CACNA2D3: variants seen among roughly 807,000 people sequenced by gnomAD.
CACNA2D3 encodes the protein voltage-dependent calcium channel subunit alpha-2/delta-3.
In CACNA2D3, 60 loss-of-function variants were observed where a neutral mutation model predicts 160.6. The ratio of observed to expected loss-of-function variants is 0.37; its 90% CI spans 0.30 to 0.46. The LOEUF (loss-of-function observed/expected upper bound fraction) is 0.46, where lower values mean the gene tolerates loss of function less well. Among genes scored for constraint, CACNA2D3 ranks in the 20% least tolerant of loss-of-function variants. The pLI, the probability that CACNA2D3 is intolerant of heterozygous loss-of-function variation, is 1.00. For synonymous variants in CACNA2D3, 558 were observed against 492.9 expected, an observed-to-expected ratio of 1.13 and a Z score of -1.75; for missense variants, 1,205 against 1,365.0, an observed-to-expected ratio of 0.88 and a Z score of 1.85.
At chr3:54,814,539 A>T (rs1237678528) in intron 13 of CACNA2D3, among the ~76,000 whole-genome samples, 2 of 152,228 alleles carry the variant, frequency 1.3e-5, no homozygotes, top group Non-Finnish European at 2.9e-5. Context: ...AATATGTGCT[A>T]TTCTACCCTG....
At chr3:54,319,201 C>CACACACACACACACACACA (rs1559448362) in intron 2 of CACNA2D3, among the ~76,000 whole-genome samples, 1 of 146,794 alleles carries the variant, frequency 6.8e-6, no homozygotes, top group Admixed American at 6.8e-5. Flanking sequence ...CACACACACA[C>CACACACACACACACACACA]CCTTCCTCGA....
In CACNA2D3 at chr3:54,896,427, T is replaced by G. The variant is rs541835413; in HGVS notation, c.2247-322T>G. ...TAAAGCCAGACAAAGCTTTCTTGTT[T>G]AGAGGGGACATCCTTGGGTTTTCTG... On this transcript the variant is annotated intron_variant, in intron 25 of 37. Coordinates refer to ENST00000474759, the MANE Select transcript of CACNA2D3 (RefSeq NM_018398.3). Among the ~76,000 whole-genome samples, 35 of 152,330 alleles carry G rather than the reference T, an allele frequency of 2.3e-4. No individual in the cohort carries two copies. The Middle Eastern group carries it at 0.01, about 44-fold the overall frequency.
At chr3:54,316,659 A>G (rs1460696974) in intron 2 of CACNA2D3, among the ~76,000 whole-genome samples, 1 of 152,202 alleles carries the variant, frequency 6.6e-6, no homozygotes, top group Non-Finnish European at 1.5e-5. Context: ...CTTTGTGCTG[A>G]GATTAGTTAG....
At chr3:54,880,746 A>G (rs373293383) in intron 20 of CACNA2D3, 50 bp from the exon 21 acceptor site, 1 of 1,445,124 alleles carries the variant, frequency 6.9e-7, no homozygotes, top group Non-Finnish European at 9.7e-7. Context: ...CCACAAGTCT[A>G]TTCGAGTCGA....
At chr3:54,444,297 G>A (rs557362629) in intron 4 of CACNA2D3, among the ~76,000 whole-genome samples, 3 of 152,210 alleles carry the variant, frequency 2.0e-5, no homozygotes, top group Admixed American at 1.3e-4. Context: ...CCACATTAAT[G>A]AGCAATTCCT....
intron 27 of CACNA2D3, among the ~76,000 whole-genome samples, chr3:54,912,547 G>T (rs555865118): frequency 3.9e-5 from 6 of 152,000 alleles, no homozygotes; most frequent in Non-Finnish European, 7.4e-5. Context: ...CTTTTCCATG[G>T]GACATTTTTC....
At chr3:54,186,432 A>G (rs1197739058) in intron 2 of CACNA2D3, among the ~76,000 whole-genome samples, 1 of 152,208 alleles carries the variant, frequency 6.6e-6, no homozygotes. Flanking sequence ...GCACTGTGGT[A>G]AATTATGCAT....
chr3:54,488,806 C>A, intron 4 of CACNA2D3, among the ~76,000 whole-genome samples: 1 of 152,132 alleles, frequency 6.6e-6, no homozygotes, highest in Admixed American at 6.5e-5. Context: ...GCCCTATCAA[C>A]TGAGTAATCA....
intron 2 of CACNA2D3, among the ~76,000 whole-genome samples, chr3:54,259,824 G>A (rs1702370678): frequency 6.6e-6 from 1 of 152,240 alleles, no homozygotes; most frequent in African/African-American, 2.4e-5. Flanking sequence ...TTTCTGAGAA[G>A]AGTGACAAAA....
At chr3:54,224,698 G>C (rs1175722430) in intron 2 of CACNA2D3, among the ~76,000 whole-genome samples, 1 of 152,076 alleles carries the variant, frequency 6.6e-6, no homozygotes, top group African/African-American at 2.4e-5. Context: ...ATGTATGTCA[G>C]GTCTCTCTTG....
At chr3:54,856,473 C>T (rs1466400403) in intron 17 of CACNA2D3, among the ~76,000 whole-genome samples, 2 of 152,176 alleles carry the variant, frequency 1.3e-5, no homozygotes, top group Admixed American at 1.3e-4. Context: ...CCCTCCCCCA[C>T]CTGCTCCTGT....
chr3:54,626,354 G>A, intron 9 of CACNA2D3: 1 of 1,557,884 alleles, frequency 6.4e-7, no homozygotes, highest in Admixed American at 1.9e-5. Flanking sequence ...CTGAACCGGG[G>A]CCTGCGGCGG....
intron 35 of CACNA2D3, among the ~76,000 whole-genome samples, chr3:55,053,076 A>G (rs79355006): frequency 0.03 from 4,606 of 152,194 alleles, 219 homozygotes; most frequent in African/African-American, 0.1. Flanking sequence ...CCATGAAACT[A>G]TCACCACAAA....
intron 2 of CACNA2D3, among the ~76,000 whole-genome samples, chr3:54,258,503 A>G (rs937669200): frequency 1.3e-5 from 2 of 152,234 alleles, no homozygotes; most frequent in African/African-American, 4.8e-5. Flanking sequence ...ATGTTGGAGA[A>G]TGAAGTTCAA....
rs980590232 is a variant in CACNA2D3 at position 54,696,502 on chromosome 3, G to A, written c.1167+54261G>A. Among the ~76,000 whole-genome samples, 3 of 152,214 alleles carry A rather than the reference G, an allele frequency of 2.0e-5. No homozygotes were observed. In the South Asian group the frequency reaches 6.2e-4, roughly 32 times the overall value. On this transcript the variant is annotated intron_variant, in intron 11 of 37. Coordinates refer to ENST00000474759, the MANE Select transcript of CACNA2D3 (RefSeq NM_018398.3). ...CTTGTCATAGGATGTTTCCTTAGAA[G>A]AGGGTTTTTTTTCTCTTGTTCAGGA... is the stretch of plus-strand genomic sequence containing the variant.
At chr3:55,050,548 A>G (rs1010382577) in intron 35 of CACNA2D3, among the ~76,000 whole-genome samples, 1 of 147,062 alleles carries the variant, frequency 6.8e-6, no homozygotes, top group East Asian at 2.0e-4. Context: ...TTTTTCCTTC[A>G]TTTCAACTTT....
chr3:54,682,413 G>A (rs928939195), intron 11 of CACNA2D3, among the ~76,000 whole-genome samples: 2 of 152,104 alleles, frequency 1.3e-5, no homozygotes, highest in Non-Finnish European at 2.9e-5. Flanking sequence ...GATCATTTGA[G>A]CCAGGAGTTT....
At chr3:54,358,146 G>A (rs979250610) in intron 3 of CACNA2D3, among the ~76,000 whole-genome samples, 2 of 152,188 alleles carry the variant, frequency 1.3e-5, no homozygotes, top group African/African-American at 4.8e-5. Flanking sequence ...TGAGGTGGAG[G>A]TGGATGAGAC....
intron 11 of CACNA2D3, among the ~76,000 whole-genome samples, chr3:54,694,579 C>A (rs1700628598): frequency 6.6e-6 from 1 of 152,208 alleles, no homozygotes; most frequent in South Asian, 2.1e-4. Flanking sequence ...CAGGAAGATT[C>A]AGTCCACCCA....
Sources: allele counts gnomAD v4.1 joint callset (sites outside exome capture counted in the v4.1 genomes callset), GRCh38; gene constraint gnomAD v4.1.1; transcripts MANE v1.5; gene names NCBI Gene and HGNC (gene_info 2026-07-23, HGNC 2026-07-21).